Variants in TUSC3 observed in about 807,000 individuals in gnomAD.
TUSC3 encodes tumor suppressor candidate 3.
In TUSC3, 45 loss-of-function variants were observed where a neutral mutation model predicts 44.8. The ratio of observed to expected loss-of-function variants is 1.00; its 90% CI spans 0.79 to 1.29. The LOEUF (loss-of-function observed/expected upper bound fraction) is 1.29. Among genes scored for constraint, TUSC3 ranks in the 50% most tolerant of loss-of-function variants. TUSC3 has a pLI of 0.00. For missense variants in TUSC3, 519 were observed against 437.9 expected, an observed-to-expected ratio of 1.19 and a Z score of -1.65; for synonymous variants, 212 against 152.9, an observed-to-expected ratio of 1.39 and a Z score of -2.85.
intron 1 of TUSC3, among the ~76,000 whole-genome samples, chr8:15,452,925 A>G (rs1402020602): frequency 6.6e-6 from 1 of 151,950 alleles, no homozygotes; most frequent in Non-Finnish European, 1.5e-5. Context: ...TTTACCTACA[A>G]TTGTCTTGGT....
At chr8:15,495,024 A>G (rs1244745264) in intron 2 of TUSC3, among the ~76,000 whole-genome samples, 3 of 152,220 alleles carry the variant, frequency 2.0e-5, no homozygotes, top group East Asian at 1.9e-4. Flanking sequence ...CTGTTTCTGC[A>G]TGAGTTTGCC....
At chr8:15,771,265 GAA>G (rs1390740627), downstream of TUSC3, among the ~76,000 whole-genome samples, 2 of 152,000 alleles carry the variant, frequency 1.3e-5, no homozygotes, top group Admixed American at 6.6e-5. Context: ...TCCTCAAATG[GAA>G]ATACTCCTCA....
intron 6 of TUSC3, among the ~76,000 whole-genome samples, chr8:15,711,526 A>AT (rs1809852913): frequency 6.7e-6 from 1 of 149,052 alleles, no homozygotes; most frequent in Non-Finnish European, 1.5e-5. Context: ...TATATATTTA[A>AT]TATATGTATA....
At chr8:15,837,227 T>TAA in the TUSC3 span, among the ~76,000 whole-genome samples, 1 of 147,616 alleles carries the variant, frequency 6.8e-6, no homozygotes, top group Non-Finnish European at 1.5e-5. Context: ...TCTTTTTTTT[T>TAA]AAAAAATCAC....
chr8:15,761,606 T>C (rs544309869), intron 10 of TUSC3, among the ~76,000 whole-genome samples: 11 of 152,212 alleles, frequency 7.2e-5, no homozygotes, highest in Non-Finnish European at 1.3e-4. Context: ...GCTATGCACA[T>C]GCAGACTACT....
At chr8:15,526,179 C>G (rs551090639) in intron 2 of TUSC3, among the ~76,000 whole-genome samples, 1 of 151,980 alleles carries the variant, frequency 6.6e-6, no homozygotes, top group Non-Finnish European at 1.5e-5. Context: ...ACTACAGGCG[C>G]CCGCCATCAC....
intron 1 of TUSC3, among the ~76,000 whole-genome samples, chr8:15,573,168 T>TCTTTCCCTCTC (rs1563296867): frequency 1.2e-5 from 1 of 85,586 alleles, no homozygotes; most frequent in African/African-American, 5.0e-5. Context: ...TTCTCTCTCT[T>TCTTTCCCTCTC]TCTCTCTCTC....
At chr8:15,481,899 T>C (rs985360338) in intron 1 of TUSC3, among the ~76,000 whole-genome samples, 1 of 152,142 alleles carries the variant, frequency 6.6e-6, no homozygotes, top group African/African-American at 2.4e-5. Context: ...AACAATGAAG[T>C]TTGCTCCATT....
At chr8:15,657,058 T>A (rs971817677) in intron 3 of TUSC3, among the ~76,000 whole-genome samples, 1 of 152,160 alleles carries the variant, frequency 6.6e-6, no homozygotes, top group African/African-American at 2.4e-5. Flanking sequence ...TACCCCAGGT[T>A]TTCCCCCAAA....
At chr8:15,802,306 G>C in the TUSC3 span, among the ~76,000 whole-genome samples, 63 of 152,258 alleles carry the variant, frequency 4.1e-4, no homozygotes, top group African/African-American at 1.5e-3. Context: ...CAAAACATGA[G>C]CTCTTAATAA....
At chr8:15,420,687 C>A (rs757711771) in intron 1 of TUSC3, among the ~76,000 whole-genome samples, 1 of 152,062 alleles carries the variant, frequency 6.6e-6, no homozygotes, top group Admixed American at 6.6e-5. Context: ...GATTCTCTTT[C>A]CCACTCCTAC....
intron 7 of TUSC3, among the ~76,000 whole-genome samples, chr8:15,739,643 A>G (rs1219985335): frequency 2.0e-5 from 3 of 152,224 alleles, no homozygotes; most frequent in African/African-American, 2.4e-5. Context: ...AGTTATTGCA[A>G]ACTTATTTGT....
intron 1 of TUSC3, among the ~76,000 whole-genome samples, chr8:15,436,166 AAG>A (rs1253097312): frequency 6.6e-6 from 1 of 152,136 alleles, no homozygotes; most frequent in African/African-American, 2.4e-5. Flanking sequence ...GCTTCCCTCA[AAG>A]AGAGTGGTCT....
At chr8:15,576,476 C>G (rs1204379681) in intron 1 of TUSC3, among the ~76,000 whole-genome samples, 2 of 121,312 alleles carry the variant, frequency 1.6e-5, no homozygotes, top group African/African-American at 6.2e-5. Context: ...CCCACCCCAC[C>G]ACAGTCCCCA....
the TUSC3 span, among the ~76,000 whole-genome samples, chr8:15,783,558 GA>G: frequency 2.0e-5 from 3 of 151,916 alleles, no homozygotes; most frequent in Non-Finnish European, 2.9e-5. Context: ...ACAGACTCTA[GA>G]AAAAAACCCA....
intron 1 of TUSC3, among the ~76,000 whole-genome samples, chr8:15,582,549 A>G (rs1803411425): frequency 6.6e-6 from 1 of 152,212 alleles, no homozygotes; most frequent in African/African-American, 2.4e-5. Flanking sequence ...CAAAGAGACT[A>G]AACATTAAAG....
chr8:15,685,932 A>T (rs3959104), intron 6 of TUSC3, among the ~76,000 whole-genome samples: 1 of 148,480 alleles, frequency 6.7e-6, no homozygotes, highest in African/African-American at 2.5e-5. Context: ...GAAATCAAAC[A>T]TGTCTAGGAA....
intron 1 of TUSC3, among the ~76,000 whole-genome samples, chr8:15,557,987 AC>A (rs1213861847): frequency 1.5e-5 from 1 of 66,830 alleles, no homozygotes; most frequent in South Asian, 5.6e-4. Context: ...CTAATTGAAT[AC>A]CCTTTGTTTC....
intron 3 of TUSC3, among the ~76,000 whole-genome samples, chr8:15,654,913 C>G (rs1167573680): frequency 6.6e-6 from 1 of 152,178 alleles, no homozygotes; most frequent in East Asian, 1.9e-4. Flanking sequence ...CATCTTCCAT[C>G]TTTACTTCTT....
Sources: allele counts gnomAD v4.1 joint callset (sites outside exome capture counted in the v4.1 genomes callset), GRCh38; gene constraint gnomAD v4.1.1; transcripts MANE v1.5; gene names NCBI Gene and HGNC (gene_info 2026-07-23, HGNC 2026-07-21).